The following TCP11L2 variants were observed in gnomAD, a reference collection of about 807,000 sequenced individuals.
The protein encoded by TCP11L2 is T-complex protein 11-like protein 2.
A neutral mutation model predicts 50.7 loss-of-function variants in TCP11L2; 39 were observed. The ratio of observed to expected loss-of-function variants is 0.77; its 90% CI spans 0.60 to 1.01. The LOEUF (loss-of-function observed/expected upper bound fraction) is 1.01, where lower values mean the gene tolerates loss of function less well. Ranked by LOEUF, TCP11L2 falls within the 50% of genes least tolerant of loss-of-function variation. The pLI, the probability that TCP11L2 is intolerant of heterozygous loss-of-function variation, is 0.00. For missense variants in TCP11L2, 612 were observed against 614.7 expected, an observed-to-expected ratio of 1.00 and a Z score of 0.05; for synonymous variants, 192 against 219.3, an observed-to-expected ratio of 0.88 and a Z score of 1.10.
At chr12:106,335,173 A>G (rs1051999475) in intron 6 of TCP11L2, among the ~76,000 whole-genome samples, 5 of 152,208 alleles carry the variant, frequency 3.3e-5, no homozygotes, top group Non-Finnish European at 5.9e-5. Context: ...TTCAGATTGT[A>G]TAAATCTTTC....
chr12:106,316,680 T>C (rs2035096092), intron 3 of TCP11L2, among the ~76,000 whole-genome samples: 1 of 152,124 alleles, frequency 6.6e-6, no homozygotes, highest in South Asian at 2.1e-4. Context: ...AGGTCTGAAA[T>C]TGTCGTATTC....
At chr12:106,315,212 C>A (rs191661942) in intron 3 of TCP11L2, among the ~76,000 whole-genome samples, 1 of 151,770 alleles carries the variant, frequency 6.6e-6, no homozygotes, top group Non-Finnish European at 1.5e-5. Flanking sequence ...CTACAGCCTG[C>A]GCAACAGAGT....
intron 2 of TCP11L2, chr12:106,312,411 A>G (rs959386924): frequency 1.5e-5 from 19 of 1,227,560 alleles, no homozygotes; most frequent in Non-Finnish European, 5.2e-6. Flanking sequence ...ACCTGGCAAA[A>G]GAAATTAACA....
chr12:106,307,130 C>T (rs2034662415), intron 1 of TCP11L2, among the ~76,000 whole-genome samples: 1 of 152,216 alleles, frequency 6.6e-6, no homozygotes, highest in Admixed American at 6.5e-5. Context: ...TACTACCATT[C>T]ATTTATTCAA....
intron 1 of TCP11L2, chr12:106,303,249 G>T (rs995928515): frequency 1.3e-5 from 2 of 152,596 alleles, no homozygotes; most frequent in African/African-American, 4.8e-5. Context: ...AAATCCTGCT[G>T]GACAGGTACC....
At chr12:106,321,066 T>C (rs977327586) in intron 4 of TCP11L2, among the ~76,000 whole-genome samples, 4 of 152,250 alleles carry the variant, frequency 2.6e-5, no homozygotes, top group African/African-American at 9.7e-5. Context: ...GGTGATTTTT[T>C]TTGTGACCAG....
intron 6 of TCP11L2, chr12:106,324,181 G>A (rs2035457206): frequency 6.6e-6 from 1 of 152,200 alleles, no homozygotes; most frequent in African/African-American, 2.4e-5. Flanking sequence ...TCAGAAGTGA[G>A]GACAGCATTG....
At chr12:106,327,215 A>G (rs996643694) in intron 6 of TCP11L2, among the ~76,000 whole-genome samples, 2 of 151,212 alleles carry the variant, frequency 1.3e-5, no homozygotes, top group African/African-American at 4.9e-5. Context: ...TCTTTAAGAG[A>G]CAGAGTCTCA....
chr12:106,308,308 A>T (rs1366758785), intron 1 of TCP11L2, among the ~76,000 whole-genome samples: 1 of 152,226 alleles, frequency 6.6e-6, no homozygotes, highest in Non-Finnish European at 1.5e-5. Context: ...TCTCAGAAAA[A>T]TGTGCATAAA....
At chr12:106,321,986 A>G (rs1198092273) in intron 5 of TCP11L2, among the ~76,000 whole-genome samples, 1 of 152,206 alleles carries the variant, frequency 6.6e-6, no homozygotes, top group Non-Finnish European at 1.5e-5. Context: ...TCTAATGGGC[A>G]GAGAGATCTT....
intron 3 of TCP11L2, 102 bp from the exon 4 acceptor site, chr12:106,318,242 G>T (rs1565844549): frequency 7.4e-7 from 1 of 1,359,796 alleles, no homozygotes; most frequent in Non-Finnish European, 1.0e-6. Context: ...ATTATTCTGT[G>T]TTTTTTTTAC....
chr12:106,313,804 C>T (rs963866280), intron 2 of TCP11L2, among the ~76,000 whole-genome samples: 4 of 133,360 alleles, frequency 3.0e-5, no homozygotes, highest in Non-Finnish European at 4.6e-5. Context: ...CTCACCCTGT[C>T]GTCCAGGCTG....
chr12:106,329,456 T>G lies in TCP11L2; in HGVS notation c.772+5810T>G. ...CCTAAGAGAAGAGCCAACGTTTCAC[T>G]CTAAACGCATGCTCCTTCTGCTTTA... On this transcript the variant is annotated intron_variant, in intron 6 of 9. Coordinates refer to ENST00000299045, the MANE Select transcript of TCP11L2 (RefSeq NM_152772.3). 6.5e-6 allele frequency: 10 copies of G among 1,531,628 alleles called. No homozygotes were observed. The South Asian group carries it at 1.2e-4, about 18-fold the overall frequency. The allele number at this position is 1,531,628 out of a possible 1,614,324, so 94.9% of individuals were successfully genotyped here.
chr12:106,346,484 A>G lies in TCP11L2; in HGVS notation c.1514A>G (p.Asn505Ser), dbSNP rs954043220. Residue 505 changes from asparagine to serine, a missense_variant, in exon 10 of 10, where the codon AAT (asparagine) becomes AGT (serine). Physicochemically the swap from Asn to Ser is conservative, Grantham distance 46 (BLOSUM62 1). Coordinates refer to ENST00000299045, the MANE Select transcript of TCP11L2 (RefSeq NM_152772.3). ...AATATACTTCGAAAGCTGCTCTTCA[A>G]TGAGGAAGCCATGGGGAAGGTAGAT... is the stretch of plus-strand genomic sequence containing the variant. The part of the protein sequence containing the change: ...YANILRKLLF[N>S]EEAMGKVDAS... The G allele has an allele frequency of 7.4e-6, 12 of 1,614,044 alleles. No homozygotes were observed. The highest frequency in any genetic ancestry group is 5.0e-5 in the Admixed American group (3 of 60,002).
upstream of TCP11L2, among the ~76,000 whole-genome samples, chr12:106,302,612 C>G (rs1039096823): frequency 5.3e-5 from 8 of 151,762 alleles, no homozygotes; most frequent in Non-Finnish European, 1.0e-4. Context: ...TTCTCGGCCT[C>G]TCTGGTTCAA....
At chr12:106,341,205 G>A (rs182349805) in intron 9 of TCP11L2, among the ~76,000 whole-genome samples, 90 of 152,206 alleles carry the variant, frequency 5.9e-4, no homozygotes, top group African/African-American at 1.8e-3. Context: ...GATGTTTCAG[G>A]GCCTATTATC....
intron 6 of TCP11L2, among the ~76,000 whole-genome samples, chr12:106,328,085 A>G (rs1408950512): frequency 6.6e-6 from 1 of 152,242 alleles, no homozygotes; most frequent in Non-Finnish European, 1.5e-5. Flanking sequence ...GTTATTCTTT[A>G]AAAAAATTCT....
At position 106,340,859 on chromosome 12, in the gene TCP11L2, T is replaced by G. The variant is rs746495238; in HGVS notation, c.1176T>G (p.Ile392Met). Reference sequence around the variant, plus strand: ...ACTTGAAGGAAGTCCTGAATTCTATTGGTATTCAGACTTGTGTTGAGGTTA... The same window carrying G: ...ACTTGAAGGAAGTCCTGAATTCTATGGGTATTCAGACTTGTGTTGAGGTTA... Reference protein sequence around the residue: ...TFNLKEVLNSIGIQTCVEVNK... With the variant: ...TFNLKEVLNSMGIQTCVEVNK... Residue 392 changes from isoleucine (I) to methionine (M), a missense_variant, in exon 9 of 10, where the codon ATT (isoleucine) becomes ATG (methionine). Transcript: ENST00000299045. 6.2e-7 allele frequency: 1 copy of G among 1,607,080 alleles called. No individual in the cohort carries two copies. The highest frequency in any genetic ancestry group is 8.5e-7 in the Non-Finnish European group (1 of 1,178,132).
intron 1 of TCP11L2, 133 bp from the exon 2 acceptor site, chr12:106,310,908 A>T: frequency 1.4e-6 from 1 of 730,970 alleles, no homozygotes; most frequent in South Asian, 2.0e-5. Context: ...GTGCTGGGGG[A>T]AGGATGAGGT....
Sources: gnomAD v4.1 joint callset for allele counts (sites outside exome capture counted in the v4.1 genomes callset) on GRCh38, gnomAD v4.1.1 for gene constraint, MANE v1.5 for transcripts, NCBI Gene and HGNC (gene_info 2026-07-23, HGNC 2026-07-21) for gene names.